The following AGPAT4 variants were observed in gnomAD, a reference collection of about 807,000 sequenced individuals.
AGPAT4 encodes the protein 1-acylglycerol-3-phosphate O-acyltransferase 4.
In AGPAT4, 15 loss-of-function variants were observed where a neutral mutation model predicts 48.0. That is an observed-to-expected ratio of 0.31 (90% CI 0.21 to 0.48). AGPAT4 has a LOEUF of 0.48. Among genes scored for constraint, AGPAT4 ranks in the 20% least tolerant of loss-of-function variants. The probability of loss-of-function intolerance (pLI) is 0.99; values close to 1 mark genes in which losing one functional copy is unlikely to be tolerated. For synonymous variants in AGPAT4, 178 were observed against 198.7 expected, an observed-to-expected ratio of 0.90 and a Z score of 0.88; for missense variants, 314 against 482.5, an observed-to-expected ratio of 0.65 and a Z score of 3.27.
rs555929147 is a variant in AGPAT4, at chr6:161,206,203, T to C, written c.178+25833A>G. Among the ~76,000 whole-genome samples the C allele has an allele frequency of 1.1e-4, 17 of 152,264 alleles. No individual in the cohort carries two copies. The highest frequency in any genetic ancestry group is 4.1e-4 in the African/African-American group (17 of 41,550). ...CGAACTCATGGAAAAACTGTGGCCCTACCCCAACCCCCCATCAGCAAAGGT... is the reference window on the plus strand; with the variant it reads ...CGAACTCATGGAAAAACTGTGGCCCCACCCCAACCCCCCATCAGCAAAGGT... On this transcript the variant is annotated intron_variant, in intron 2 of 8. Transcript: ENST00000320285. This position sits in a 1 kb window ranked among gnomAD's most constrained non-coding sequence, Gnocchi z 4.8.
rs992181890 is a variant in AGPAT4 at position 161,215,362 on chromosome 6, G to A, written c.178+16674C>T. ...TTGTGCTGAATCTCAAGGTTTTTGA[G>A]GCCATGGCTCATTCCTTCTCTGCCA... On this transcript the variant is annotated intron_variant, in intron 2 of 8. Transcript: ENST00000320285. This position sits in a 1 kb window ranked among gnomAD's most constrained non-coding sequence, Gnocchi z 4.5. Among the ~76,000 whole-genome samples, 4 of 152,136 alleles carry A rather than the reference G, an allele frequency of 2.6e-5. No homozygotes were observed. Among genetic ancestry groups the A allele is most frequent in the Admixed American group, 2.6e-4 (4 of 15,288 alleles).
Position 161,154,938 on chromosome 6 carries a change from T to C in AGPAT4, c.349-628A>G, listed in dbSNP as rs2114967822. Reference sequence around the variant, plus strand: ...AGGAGTCTCCGCTCACAGAGCAGGCTGCGGAGCCCAGTGGGATCTCCGGGT... The same window carrying C: ...AGGAGTCTCCGCTCACAGAGCAGGCCGCGGAGCCCAGTGGGATCTCCGGGT... On this transcript the variant is annotated intron_variant, in intron 3 of 8. Coordinates refer to ENST00000320285, the MANE Select transcript of AGPAT4 (RefSeq NM_020133.3). The surrounding 1 kb of genome is among the most constrained non-coding windows in gnomAD (Gnocchi z 7.8). Among the ~76,000 whole-genome samples, 1 of 152,332 alleles carries C rather than the reference T, an allele frequency of 6.6e-6. No individual in the cohort carries two copies. Among genetic ancestry groups the C allele is most frequent in the African/African-American group, 2.4e-5 (1 of 41,580 alleles).
chr6:161,162,568 T>TC (rs1323271600), intron 3 of AGPAT4, among the ~76,000 whole-genome samples: 1 of 152,082 alleles, frequency 6.6e-6, no homozygotes, highest in East Asian at 1.9e-4. Flanking sequence ...CCCTGCCAGA[T>TC]CCCCCGCTCA....
rs1783038476 is a variant in AGPAT4 at position 161,259,427 on chromosome 6, ATCACGG to A, written c.-90+14505_-90+14510del. Among the ~76,000 whole-genome samples the A allele has an allele frequency of 6.6e-6, 1 of 152,022 alleles. No individual in the cohort carries two copies. Among genetic ancestry groups the A allele is most frequent in the African/African-American group, 2.4e-5 (1 of 41,432 alleles). The stretch of plus-strand genomic sequence containing the variant: ...GCGCGTATGCTTTGAGTTGCTGGTG[ATCACGG>A]ACTTTTGTAGAGCCACCCGGTCTTT... On this transcript the variant is annotated intron_variant, in intron 1 of 8. Transcript: ENST00000320285. This position sits in a 1 kb window ranked among gnomAD's most constrained non-coding sequence, Gnocchi z 4.9.
rs369857095 is a variant in AGPAT4 at position 161,262,682 on chromosome 6, G to A, written c.-90+11256C>T. 2.3e-4 allele frequency among the ~76,000 whole-genome samples: 35 copies of A among 152,262 alleles called. 1 individual carries two copies. In the South Asian group the frequency reaches 4.6e-3, roughly 20 times the overall value. On this transcript the variant is annotated intron_variant, in intron 1 of 8. Transcript: ENST00000320285. This position sits in a 1 kb window ranked among gnomAD's most constrained non-coding sequence, Gnocchi z 4.9. ...TCCTTTGCTCAGAAGGTTTGGGTCC[G>A]ATTATTCTTCAGTCCCACGGGGGAG...
At chr6:161,136,766 G>A (rs1779080833) in intron 8 of AGPAT4, 132 bp from the exon 9 acceptor site, 2 of 702,142 alleles carry the variant, frequency 2.8e-6, no homozygotes, top group East Asian at 2.6e-5. Flanking sequence ...CGGGTTTGAG[G>A]TGCCATCATC....
At position 161,254,878 on chromosome 6, in the gene AGPAT4, A is replaced by C. The variant is rs886632129; in HGVS notation, c.-90+19060T>G. Among the ~76,000 whole-genome samples, 2 of 152,214 alleles carry C rather than the reference A, an allele frequency of 1.3e-5. No individual in the cohort carries two copies. Among genetic ancestry groups the C allele is most frequent in the African/African-American group, 4.8e-5 (2 of 41,456 alleles). On this transcript the variant is annotated intron_variant, in intron 1 of 8. Transcript: ENST00000320285. This position sits in a 1 kb window ranked among gnomAD's most constrained non-coding sequence, Gnocchi z 5.9. ...TCAAAGGACTTCCTGGTTTCTAAGAAAGCAAATCCTGGCAAGGCTGGAGAG... is the reference window on the plus strand; with the variant it reads ...TCAAAGGACTTCCTGGTTTCTAAGACAGCAAATCCTGGCAAGGCTGGAGAG...
At position 161,216,757 on chromosome 6, in the gene AGPAT4, G is replaced by C. The variant is rs1482797405; in HGVS notation, c.178+15279C>G. Among the ~76,000 whole-genome samples, 1 of 152,200 alleles carries C rather than the reference G, an allele frequency of 6.6e-6. No homozygotes were observed. Among genetic ancestry groups the C allele is most frequent in the Non-Finnish European group, 1.5e-5 (1 of 68,040 alleles). On this transcript the variant is annotated intron_variant, in intron 2 of 8. Coordinates refer to ENST00000320285, the MANE Select transcript of AGPAT4 (RefSeq NM_020133.3). The surrounding 1 kb of genome is among the most constrained non-coding windows in gnomAD (Gnocchi z 4.8). ...AGAAAATGAGAAAGAAGCAAAAGCG[G>C]AGACCCCTGATAAACCCATCAGATC...
chr6:161,194,582 A>G (rs1481948582), intron 2 of AGPAT4, among the ~76,000 whole-genome samples: 3 of 145,322 alleles, frequency 2.1e-5, no homozygotes, highest in Admixed American at 6.6e-5. Flanking sequence ...ATGTGTGTAT[A>G]TATGTGTATG....
chr6:161,152,405 G>A (rs950893523), intron 5 of AGPAT4, among the ~76,000 whole-genome samples: 1 of 152,146 alleles, frequency 6.6e-6, no homozygotes, highest in Non-Finnish European at 1.5e-5. Flanking sequence ...AGGCAGCAGA[G>A]GCCAGCAGGG....
rs569892893 is a variant in AGPAT4 at position 161,229,156 on chromosome 6, G to T, written c.178+2880C>A. Among the ~76,000 whole-genome samples the T allele has an allele frequency of 2.6e-5, 4 of 152,254 alleles. No individual in the cohort carries two copies. Among genetic ancestry groups the T allele is most frequent in the African/African-American group, 9.6e-5 (4 of 41,546 alleles). Reference sequence around the variant, plus strand: ...TCTTAACAAATATTTAATGAGAAAAGAGACAAAGCCATAGCTCTGCTAGAG... The same window carrying T: ...TCTTAACAAATATTTAATGAGAAAATAGACAAAGCCATAGCTCTGCTAGAG... On this transcript the variant is annotated intron_variant, in intron 2 of 8. Transcript: ENST00000320285. The surrounding 1 kb of genome is among the most constrained non-coding windows in gnomAD (Gnocchi z 6.0).
In AGPAT4 at chr6:161,273,919, C is replaced by G. The variant is rs1209911296; in HGVS notation, c.-90+19G>C. On this transcript the variant is annotated intron_variant, in intron 1 of 8. Transcript: ENST00000320285. ...ACCCAGCGGGGAAGGTGCCTGCGAACGGCACCAGGACCACATACCTCCTTC... is the reference window on the plus strand; with the variant it reads ...ACCCAGCGGGGAAGGTGCCTGCGAAGGGCACCAGGACCACATACCTCCTTC... The G allele has an allele frequency of 6.6e-6, 1 of 151,902 alleles. No individual in the cohort carries two copies. The highest frequency in any genetic ancestry group is 1.5e-5 in the Non-Finnish European group (1 of 68,074). The allele number at this position is 151,902 out of a possible 1,614,324, so 9.4% of individuals were successfully genotyped here. A position where few individuals can be genotyped will look rare whatever the true frequency, so the allele number is the denominator to read the frequency against.
At position 161,220,362 on chromosome 6, in the gene AGPAT4, A is replaced by T. The variant is rs1299955627; in HGVS notation, c.178+11674T>A. On this transcript the variant is annotated intron_variant, in intron 2 of 8. Coordinates refer to ENST00000320285, the MANE Select transcript of AGPAT4 (RefSeq NM_020133.3). This position sits in a 1 kb window ranked among gnomAD's most constrained non-coding sequence, Gnocchi z 6.0. ...TTCTAAATAAAATCATTTCACTAGG[A>T]ATTGGGCCAGAGTGTAACAGTAACT... Among the ~76,000 whole-genome samples the T allele has an allele frequency of 2.0e-5, 3 of 152,218 alleles. No homozygotes were observed. The highest frequency in any genetic ancestry group is 7.2e-5 in the African/African-American group (3 of 41,442).
rs569729321 is a variant in AGPAT4 at position 161,181,762 on chromosome 6, C to A, written c.179-15345G>T. On this transcript the variant is annotated intron_variant, in intron 2 of 8. Transcript: ENST00000320285. ...CAAGCATCTGCTCTTCCCACTCACA[C>A]GTCCGCACCATCAGATGGCGCTCAG... is the stretch of plus-strand genomic sequence containing the variant. 2.8e-3 allele frequency among the ~76,000 whole-genome samples: 420 copies of A among 152,220 alleles called. 4 individuals are homozygous for A. The highest frequency in any genetic ancestry group is 4.8e-3 in the Non-Finnish European group (328 of 68,018).
intron 2 of AGPAT4, among the ~76,000 whole-genome samples, chr6:161,210,489 C>T (rs1288913179): frequency 6.6e-6 from 1 of 152,086 alleles, no homozygotes; most frequent in African/African-American, 2.4e-5. Context: ...GTGTTGTGTA[C>T]ACAATGTTTC....
In AGPAT4 at chr6:161,139,557, G is replaced by C. The variant is rs756140825; in HGVS notation, c.907C>G (p.Arg303Gly). The change falls in exon 8 of 9, where the codon CGG (arginine) becomes GGG (glycine). Residue 303 changes from arginine to glycine, a missense_variant. Transcript: ENST00000320285. The surrounding 1 kb of genome is among the most constrained non-coding windows in gnomAD (Gnocchi z 9.1). Reference sequence around the variant, plus strand: ...CAGTTCACGAGGGTCCAGGGCCGCCGGGGGGGCACCATGGGCGTCTCTGGG... The same window carrying C: ...CAGTTCACGAGGGTCCAGGGCCGCCCGGGGGGCACCATGGGCGTCTCTGGG... The part of the protein sequence containing the change: ...TFPETPMVPP[R>G]RPWTLVNWLF... The C allele has an allele frequency of 6.2e-7, 1 of 1,612,560 alleles. No individual in the cohort carries two copies. The highest frequency in any genetic ancestry group is 8.5e-7 in the Non-Finnish European group (1 of 1,179,208).
rs1781854571 is a variant in AGPAT4, at chr6:161,222,170, C to T, written c.178+9866G>A. On this transcript the variant is annotated intron_variant, in intron 2 of 8. Coordinates refer to ENST00000320285, the MANE Select transcript of AGPAT4 (RefSeq NM_020133.3). This position sits in a 1 kb window ranked among gnomAD's most constrained non-coding sequence, Gnocchi z 5.9. ...ACCCAGCCTGGAAGATGCAGTCAAT[C>T]CATCCATCAATCAATAAAAGGTGCT... Among the ~76,000 whole-genome samples, 1 of 152,214 alleles carries T rather than the reference C, an allele frequency of 6.6e-6. No individual in the cohort carries two copies. Among genetic ancestry groups the T allele is most frequent in the Non-Finnish European group, 1.5e-5 (1 of 68,040 alleles).
At chr6:161,193,474 G>A (rs547653049) in intron 2 of AGPAT4, among the ~76,000 whole-genome samples, 8 of 152,296 alleles carry the variant, frequency 5.3e-5, no homozygotes, top group South Asian at 2.1e-4. Context: ...CTGAATACAC[G>A]CTGCAAATTT....
At position 161,206,465 on chromosome 6, in the gene AGPAT4, G is replaced by GT. The variant is rs1470074679; in HGVS notation, c.178+25570dup. 2.0e-5 allele frequency among the ~76,000 whole-genome samples: 3 copies of GT among 152,198 alleles called. No individual in the cohort carries two copies. In the East Asian group the frequency reaches 5.8e-4, roughly 29 times the overall value. ...TGAGACACCCTTCTCCCATCCAGGT[G>GT]TCACTGGGGGCAGAGTGGGGAACCT... On this transcript the variant is annotated intron_variant, in intron 2 of 8. Transcript: ENST00000320285. The surrounding 1 kb of genome is among the most constrained non-coding windows in gnomAD (Gnocchi z 4.8).
Sources: gnomAD v4.1 joint callset for allele counts (sites outside exome capture counted in the v4.1 genomes callset) on GRCh38, gnomAD v4.1.1 for gene constraint, Gnocchi (gnomAD v3.1) non-coding constraint, MANE v1.5 for transcripts, NCBI Gene and HGNC (gene_info 2026-07-23, HGNC 2026-07-21) for gene names.